Variants in ZNF587B observed in about 807,000 individuals in gnomAD.
ZNF587B encodes the protein zinc finger protein 587B.
In ZNF587B, 6 loss-of-function variants were observed where a neutral mutation model predicts 7.2. The ratio of observed to expected loss-of-function variants is 0.83; its 90% CI spans 0.46 to 1.65. The LOEUF (loss-of-function observed/expected upper bound fraction) is 1.65. Among genes scored for constraint, ZNF587B ranks in the 40% most tolerant of loss-of-function variants. ZNF587B has a pLI of 0.01. For synonymous variants in ZNF587B, 274 were observed against 254.3 expected, an observed-to-expected ratio of 1.08 and a Z score of -0.74; for missense variants, 749 against 761.0, an observed-to-expected ratio of 0.98 and a Z score of 0.19.
At chr19:57,831,590 C>A (rs1013717192) in intron 1 of ZNF587B, among the ~76,000 whole-genome samples, 1 of 152,078 alleles carries the variant, frequency 6.6e-6, no homozygotes, top group Non-Finnish European at 1.5e-5. Context: ...GATGGAGTTT[C>A]TCCATGTAGG....
Position 57,841,838 on chromosome 19 carries a change from G to A in ZNF587B, c.1164G>A (p.Gly388=). The A allele has an allele frequency of 6.2e-7, 1 of 1,612,478 alleles. No homozygotes were observed. The highest frequency in any genetic ancestry group is 8.5e-7 in the Non-Finnish European group (1 of 1,179,404). Residue 388 remains glycine, a synonymous_variant, in exon 3 of 3, where the codon GGG becomes GGA. Transcript: ENST00000594901. ...EVRPYKCGEC[G]KSYISKGHLR... ...GACCTTACAAGTGTGGAGAATGTGG[G>A]AAATCTTATATTTCAAAGGGGCACC... is the stretch of plus-strand genomic sequence containing the variant.
chr19:57,832,671 C>T (rs1030965480), intron 1 of ZNF587B, among the ~76,000 whole-genome samples: 14 of 152,222 alleles, frequency 9.2e-5, no homozygotes, highest in Non-Finnish European at 1.8e-4. Flanking sequence ...AGTCTGGGCT[C>T]ATTTGTACCT....
chr19:57,830,744 G>GTTC, intron 1 of ZNF587B, among the ~76,000 whole-genome samples, 180 bp downstream of exon 1: 1 of 151,632 alleles, frequency 6.6e-6, no homozygotes, highest in Admixed American at 6.6e-5. Context: ...TATAGTCACT[G>GTTC]TACCTGAGCG....
rs1252164585 is a variant in ZNF587B, at chr19:57,841,184, T to G, written c.510T>G (p.Ser170=). The G allele has an allele frequency of 1.9e-6, 3 of 1,614,114 alleles. No homozygotes were observed. The highest frequency in any genetic ancestry group is 3.3e-5 in the Admixed American group (2 of 60,002). Residue 170 remains serine (S), a synonymous_variant, in exon 3 of 3, where the codon TCT becomes TCG. Coordinates refer to ENST00000594901, the MANE Select transcript of ZNF587B (RefSeq NM_001376223.1). ...RCKLHVSGES[S]VFSESGKDFL... ...AGTTGCATGTGTCAGGGGAGTCATC[T>G]GTCTTCAGTGAGAGTGGGAAGGACT...
At chr19:57,830,655 C>G in intron 1 of ZNF587B, 91 bp downstream of exon 1, 1 of 1,427,214 alleles carries the variant, frequency 7.0e-7, no homozygotes. Flanking sequence ...GGTGGCAGAG[C>G]CATAGGCAGC....
intron 1 of ZNF587B, among the ~76,000 whole-genome samples, chr19:57,837,439 G>GT (rs772656383): frequency 0.049 from 6,653 of 135,044 alleles, 286 homozygotes; most frequent in African/African-American, 0.12. Context: ...TTTTTGTTTT[G>GT]TTTTTTTTTT....
In ZNF587B at chr19:57,841,982, A is replaced by T. The variant is rs1375244558; in HGVS notation, c.1308A>T (p.Arg436Ser). The change falls in exon 3 of 3, where the codon AGA becomes AGT. Residue 436 changes from arginine (R) to serine (S), a missense_variant. By Grantham distance (110) the Arg-to-Ser change is moderately radical. Transcript: ENST00000594901. ...RSHQRVHTTE[R>S]PYKCGECGKC... ...ATCAGCGAGTTCACACTACAGAAAG[A>T]CCTTATAAGTGTGGGGAATGTGGGA... 1.2e-6 allele frequency: 2 copies of T among 1,608,410 alleles called. No homozygotes were observed. The highest frequency in any genetic ancestry group is 1.7e-6 in the Non-Finnish European group (2 of 1,177,320).
rs750376723 is a variant in ZNF587B at position 57,841,849 on chromosome 19, T to C, written c.1175T>C (p.Ile392Thr). Residue 392 changes from isoleucine to threonine, a missense_variant, in exon 3 of 3, where the codon ATT (isoleucine) becomes ACT (threonine). This residue lies in a region of ZNF587B where 656 missense variants were observed against 596.5 expected (regional missense o/e 1.10). Coordinates refer to ENST00000594901, the MANE Select transcript of ZNF587B (RefSeq NM_001376223.1). ...TGTGGAGAATGTGGGAAATCTTATA[T>C]TTCAAAGGGGCACCTTAGGATCCAT... is the stretch of plus-strand genomic sequence containing the variant. Reference protein sequence around the residue: ...YKCGECGKSYISKGHLRIHQR... With the variant: ...YKCGECGKSYTSKGHLRIHQR... 46 of 1,611,756 alleles carry C rather than the reference T, an allele frequency of 2.9e-5. No individual in the cohort carries two copies. The highest frequency in any genetic ancestry group is 3.7e-5 in the Non-Finnish European group (44 of 1,179,264).
At position 57,840,921 on chromosome 19, in the gene ZNF587B, G is replaced by A. The variant is rs2562052; in HGVS notation, c.247G>A (p.Val83Met). The A allele has an allele frequency of 0.93, 1,323,942 of 1,427,646 alleles. 625,437 individuals carry two copies. The highest frequency in any genetic ancestry group is 1 in the East Asian group (44,225 of 44,290). 88.4% of individuals were successfully genotyped at this position (1,427,646 alleles called of 1,614,324 possible). ...AAGAGAGACTCAGGTCAGGACTCCT[G>A]TGACAGGTGTGTCTCCCAAGAAGGC... ...IQRETQVRTP[V>M]TGVSPKKAHP... Residue 83 changes from valine (V) to methionine (M), a missense_variant, in exon 3 of 3, where the codon GTG becomes ATG. Val to Met is a conservative substitution (Grantham distance 21). Coordinates refer to ENST00000594901, the MANE Select transcript of ZNF587B (RefSeq NM_001376223.1).
intron 1 of ZNF587B, among the ~76,000 whole-genome samples, chr19:57,831,614 G>A (rs1413695096): frequency 1.3e-5 from 2 of 151,948 alleles, no homozygotes; most frequent in African/African-American, 4.8e-5. Context: ...GGCTGGTCTC[G>A]AACACCTGAT....
At position 57,844,359 on chromosome 19, in the gene ZNF587B, C is replaced by T. The variant is rs775003197; in HGVS notation, c.*1783C>T. 16 of 279,286 alleles carry T rather than the reference C, an allele frequency of 5.7e-5. No individual in the cohort carries two copies. The highest frequency in any genetic ancestry group is 9.4e-5 in the Non-Finnish European group (13 of 138,428). The allele number at this position is 279,286 out of a possible 1,614,324, so 17.3% of individuals were successfully genotyped here. ...CTCTTCTAAAAATATAAAAATTAGC[C>T]GGGCATGGTGGCGCACCTGTAGCCG... is the stretch of plus-strand genomic sequence containing the variant. On this transcript the variant is annotated 3_prime_UTR_variant, in exon 3 of 3. Transcript: ENST00000594901.
At chr19:57,837,728 A>G (rs1160749010) in intron 1 of ZNF587B, among the ~76,000 whole-genome samples, 1 of 151,944 alleles carries the variant, frequency 6.6e-6, no homozygotes, top group Non-Finnish European at 1.5e-5. Context: ...GATTACAGGC[A>G]TGAGCCACGC....
Position 57,841,567 on chromosome 19 carries a change from A to G in ZNF587B, c.893A>G (p.Tyr298Cys). 1 of 1,578,182 alleles carries G rather than the reference A, an allele frequency of 6.3e-7. No individual in the cohort carries two copies. The highest frequency in any genetic ancestry group is 8.6e-7 in the Non-Finnish European group (1 of 1,161,560). The change falls in exon 3 of 3, where the codon TAT becomes TGT. Residue 298 changes from tyrosine (Y) to cysteine (C), a missense_variant. Around this residue, in one of 3 missense-constraint regions of ZNF587B, gnomAD observed 656 missense variants for 596.5 expected, o/e 1.10. Transcript: ENST00000594901. ...HQQFHTGGKP[Y>C]GCEECGKYFS... ...CAATTTCACACTGGAGGAAAACCTT[A>G]TGGGTGTGAAGAATGTGGGAAATAT...
rs1461279240 is a variant in ZNF587B at position 57,841,304 on chromosome 19, G to C, written c.630G>C (p.Gly210=). The C allele has an allele frequency of 3.1e-6, 5 of 1,613,756 alleles. No homozygotes were observed. The highest frequency in any genetic ancestry group is 4.2e-6 in the Non-Finnish European group (5 of 1,179,826). ...KTECVSPFQC[G]GAHYSHGDSM... ...AGTGTGTGTCTCCCTTTCAGTGTGG[G>C]GGAGCTCACTATAGCCATGGAGATT... The change falls in exon 3 of 3, where the codon GGG becomes GGC. Residue 210 remains glycine, a synonymous_variant. Transcript: ENST00000594901.
chr19:57,841,367 G>A lies in ZNF587B; in HGVS notation c.693G>A (p.Gln231=), dbSNP rs1988837356. 6.3e-7 allele frequency: 1 copy of A among 1,593,924 alleles called. No individual in the cohort carries two copies. ...TTAGCACCAAACATATACTCAGTCA[G>A]CACCAGAGACTTCTCCCTCGAGAAG... ...KHFSTKHILS[Q]HQRLLPREEC... Residue 231 remains glutamine (Q), a synonymous_variant, in exon 3 of 3, where the codon CAG becomes CAA. Coordinates refer to ENST00000594901, the MANE Select transcript of ZNF587B (RefSeq NM_001376223.1).
In ZNF587B at chr19:57,842,516, A is replaced by C. The variant is rs774326434; in HGVS notation, c.1842A>C (p.Lys614Asn). The change falls in exon 3 of 3, where the codon AAA becomes AAC. Residue 614 changes from lysine (K) to asparagine (N), a missense_variant. Lys to Asn is a moderately conservative substitution (Grantham distance 94). This residue lies in a region of ZNF587B where 656 missense variants were observed against 596.5 expected (regional missense o/e 1.10). Coordinates refer to ENST00000594901, the MANE Select transcript of ZNF587B (RefSeq NM_001376223.1). ...KPYGCSECEK[K>N]FRKSSSLRYH... ...ATGGGTGTAGTGAATGTGAAAAAAA[A>C]TTTAGGAAAAGCTCTTCACTTCGTT... is the stretch of plus-strand genomic sequence containing the variant. The C allele has an allele frequency of 1.7e-5, 27 of 1,558,272 alleles. No homozygotes were observed. Among genetic ancestry groups the C allele is most frequent in the African/African-American group, 2.8e-5 (2 of 72,586 alleles).
intron 1 of ZNF587B, among the ~76,000 whole-genome samples, chr19:57,838,802 C>A (rs1988730961): frequency 1.3e-5 from 2 of 152,114 alleles, no homozygotes; most frequent in South Asian, 4.1e-4. Context: ...GGGAAAGTGC[C>A]TGTCAGGAGT....
chr19:57,835,423 C>G (rs940229894), intron 1 of ZNF587B, among the ~76,000 whole-genome samples: 2 of 122,654 alleles, frequency 1.6e-5, no homozygotes, highest in Non-Finnish European at 3.4e-5. Flanking sequence ...GTAGCATGAT[C>G]TCTGCTCACT....
At chr19:57,831,913 C>T (rs1427687444) in intron 1 of ZNF587B, among the ~76,000 whole-genome samples, 3 of 151,312 alleles carry the variant, frequency 2.0e-5, no homozygotes, top group Non-Finnish European at 4.4e-5. Flanking sequence ...GCCATGTTGC[C>T]TAGCCTGGTT....
Sources: allele counts gnomAD v4.1 joint callset (sites outside exome capture counted in the v4.1 genomes callset), GRCh38; gene constraint gnomAD v4.1.1; regional missense constraint gnomAD v4.1.1; transcripts MANE v1.5; gene names NCBI Gene and HGNC (gene_info 2026-07-23, HGNC 2026-07-21).